The following PISD variants were observed in gnomAD, a reference collection of about 807,000 sequenced individuals.
PISD encodes phosphatidylserine decarboxylase proenzyme, mitochondrial.
A neutral mutation model predicts 43.5 loss-of-function variants in PISD; 31 were observed. That is an observed-to-expected ratio of 0.71 (90% CI 0.54 to 0.96). The LOEUF (loss-of-function observed/expected upper bound fraction) is 0.96. Among genes scored for constraint, PISD ranks in the 40% least tolerant of loss-of-function variants. The probability of loss-of-function intolerance (pLI) is 0.00; values close to 1 mark genes in which losing one functional copy is unlikely to be tolerated. For missense variants in PISD, 523 were observed against 548.4 expected (o/e 0.95, Z 0.46); for synonymous variants, 259 against 228.7 (o/e 1.13, Z -1.20).
chr22:31,658,022 C>G (rs937558577), intron 1 of PISD, among the ~76,000 whole-genome samples: 2 of 152,166 alleles, frequency 1.3e-5, no homozygotes, highest in African/African-American at 4.8e-5. Context: ...TCTTTTTCTT[C>G]ATGGCATTTC....
At chr22:31,643,012 A>G (rs2073781251) in intron 3 of PISD, among the ~76,000 whole-genome samples, 1 of 149,952 alleles carries the variant, frequency 6.7e-6, no homozygotes, top group Non-Finnish European at 1.5e-5. Flanking sequence ...TGAAGCAGGA[A>G]AATTGCTTGA....
At chr22:31,622,890 C>T (rs2072661919) in intron 3 of PISD, among the ~76,000 whole-genome samples, 1 of 152,230 alleles carries the variant, frequency 6.6e-6, no homozygotes, top group Non-Finnish European at 1.5e-5. Flanking sequence ...GACACCAACT[C>T]CCCAAGGTGT....
At chr22:31,652,724 C>T (rs188675456) in intron 1 of PISD, among the ~76,000 whole-genome samples, 9 of 149,750 alleles carry the variant, frequency 6.0e-5, no homozygotes, top group African/African-American at 2.2e-4. Flanking sequence ...AGGAGAATCA[C>T]AAAACAAAAC....
intron 3 of PISD, among the ~76,000 whole-genome samples, chr22:31,624,758 A>C (rs1292402060): frequency 1.0e-5 from 1 of 100,356 alleles, no homozygotes; most frequent in Admixed American, 9.6e-5. Context: ...CACACACACG[A>C]GACCCAAGCC....
intron 3 of PISD, among the ~76,000 whole-genome samples, chr22:31,643,583 A>G (rs1308546466): frequency 1.3e-5 from 2 of 152,176 alleles, no homozygotes; most frequent in Non-Finnish European, 2.9e-5. Flanking sequence ...TTAGCACAGC[A>G]AGACCCTGTC....
intron 2 of PISD, 38 bp from the exon 3 acceptor site, chr22:31,648,314 C>A (rs1416466578): frequency 6.5e-7 from 1 of 1,545,840 alleles, no homozygotes; most frequent in South Asian, 1.2e-5. Flanking sequence ...GCCTGAGAGA[C>A]AGGAATAGGG....
chr22:31,658,761 G>C (rs962280169), intron 1 of PISD, among the ~76,000 whole-genome samples: 1 of 151,886 alleles, frequency 6.6e-6, no homozygotes, highest in African/African-American at 2.4e-5. Flanking sequence ...TCGAACTCTT[G>C]GGCTCAAGCA....
chr22:31,627,965 TAAG>T, intron 3 of PISD: 1 of 783,860 alleles, frequency 1.3e-6, no homozygotes. Flanking sequence ...CTGGAGAGAC[TAAG>T]AACCATCCTG....
intron 3 of PISD, among the ~76,000 whole-genome samples, chr22:31,633,129 C>A (rs2073276814): frequency 6.6e-6 from 1 of 152,272 alleles, no homozygotes; most frequent in South Asian, 2.1e-4. Flanking sequence ...CCACCACCAA[C>A]TTCCAGAACT....
rs1034227351 is a variant in PISD at position 31,650,749 on chromosome 22, C to T, written c.95G>A (p.Ser32Asn). The T allele has an allele frequency of 1.3e-6, 2 of 1,555,752 alleles. No homozygotes were observed. Among genetic ancestry groups the T allele is most frequent in the South Asian group, 2.4e-5 (2 of 84,360 alleles). The change falls in exon 2 of 8, where the codon AGC becomes AAC. Residue 32 changes from serine to asparagine, a missense_variant. Transcript: ENST00000439502. ...SLHPCEITAL[S>N]QSLQPLRKLP... ...CTTCCGTAAGGGCTGTAGGGATTGG[C>T]TCAGGGCAGTGATCTCACAGGGATG...
chr22:31,641,414 T>C (rs747208106), intron 3 of PISD, among the ~76,000 whole-genome samples: 2 of 152,126 alleles, frequency 1.3e-5, no homozygotes, highest in Non-Finnish European at 2.9e-5. Flanking sequence ...AAGTGACTTA[T>C]GGGCAGGCAG....
rs529155643 is a variant in PISD at position 31,631,803 on chromosome 22, G to A, written c.322-9918C>T. Among the ~76,000 whole-genome samples the A allele has an allele frequency of 2.0e-5, 3 of 152,368 alleles. No homozygotes were observed. The South Asian group carries it at 6.2e-4, about 32-fold the overall frequency. ...TGTTCACATCTGTGGGAGCAACTGA[G>A]CACGCCCATTCCCTATTCAATGGTG... is the stretch of plus-strand genomic sequence containing the variant. On this transcript the variant is annotated intron_variant, in intron 3 of 7. Coordinates refer to ENST00000439502, the MANE Select transcript of PISD (RefSeq NM_001326411.2).
At chr22:31,626,091 G>C in intron 3 of PISD, 1 of 1,354,852 alleles carries the variant, frequency 7.4e-7, no homozygotes, top group Non-Finnish European at 9.6e-7. Context: ...CAGTGCAAAA[G>C]CCCCTGCACT....
chr22:31,662,380 G>A, upstream of PISD: 2 of 652,200 alleles, frequency 3.1e-6, no homozygotes, highest in South Asian at 1.7e-5. Flanking sequence ...CACCTGCGGA[G>A]GTAGGGGAAC....
chr22:31,662,288 G>A, upstream of PISD: 1 of 1,408,758 alleles, frequency 7.1e-7, no homozygotes, highest in Admixed American at 1.7e-5. Flanking sequence ...CTCGAGTTCA[G>A]TGGGCCAATG....
chr22:31,662,159 G>C lies in PISD; in HGVS notation c.50C>G (p.Ala17Gly). Residue 17 changes from alanine (A) to glycine (G), a missense_variant, in exon 1 of 8, where the codon GCG (alanine) becomes GGG (glycine). Ala to Gly is a moderately conservative substitution (Grantham distance 60). Transcript: ENST00000439502. ...GCTGCTATACCTGCTCCGCCACGGC[G>C]CGACCCCGTGCAGTAATCCCAGACA... is the stretch of plus-strand genomic sequence containing the variant. ...HRCLGLLHGV[A>G]PWRSSLHPCE... 1 of 1,607,054 alleles carries C rather than the reference G, an allele frequency of 6.2e-7. No individual in the cohort carries two copies. The highest frequency in any genetic ancestry group is 2.2e-5 in the East Asian group (1 of 44,878).
chr22:31,659,598 C>CT lies in PISD; in HGVS notation c.65+2545dup, dbSNP rs371052087. On this transcript the variant is annotated intron_variant, in intron 1 of 7. Coordinates refer to ENST00000439502, the MANE Select transcript of PISD (RefSeq NM_001326411.2). Reference sequence around the variant, plus strand: ...AGTAGGATGGGGGCATATCTGGAATCTTTTTTTTTTTGAGACGGAGTCTTG... The same window carrying CT: ...AGTAGGATGGGGGCATATCTGGAATCTTTTTTTTTTTTGAGACGGAGTCTTG... Among the ~76,000 whole-genome samples the CT allele has an allele frequency of 2.7e-3, 400 of 147,118 alleles. 3 individuals carry two copies. The highest frequency in any genetic ancestry group is 8.0e-3 in the African/African-American group (323 of 40,274).
At chr22:31,632,343 C>T in intron 3 of PISD, 1 of 565,928 alleles carries the variant, frequency 1.8e-6, no homozygotes, top group Non-Finnish European at 2.2e-6. Flanking sequence ...GGCACAGTGC[C>T]ACCCCTAAGG....
chr22:31,662,028 C>T (rs563242926), intron 1 of PISD, 116 bp downstream of exon 1: 3 of 900,016 alleles, frequency 3.3e-6, no homozygotes, highest in Non-Finnish European at 5.4e-6. Context: ...AAGGTGGCTC[C>T]GTCTCCACCC....
Sources: allele counts gnomAD v4.1 joint callset (sites outside exome capture counted in the v4.1 genomes callset), GRCh38; gene constraint gnomAD v4.1.1; transcripts MANE v1.5; gene names NCBI Gene and HGNC (gene_info 2026-07-23, HGNC 2026-07-21).